The following BDH1 variants were observed in gnomAD, a reference collection of about 807,000 sequenced individuals.
The protein encoded by BDH1 is 3-hydroxybutyrate dehydrogenase 1.
In BDH1, 30 loss-of-function variants were observed where a neutral mutation model predicts 33.1. The ratio of observed to expected loss-of-function variants is 0.91; its 90% CI spans 0.68 to 1.23. The LOEUF (loss-of-function observed/expected upper bound fraction) is 1.23. Ranked by LOEUF, BDH1 falls within the 50% of genes most tolerant of loss-of-function variation. BDH1 has a pLI of 0.00. For missense variants in BDH1, 443 were observed against 464.4 expected, an observed-to-expected ratio of 0.95 and a Z score of 0.42; for synonymous variants, 190 against 183.6, an observed-to-expected ratio of 1.03 and a Z score of -0.28.
Position 197,514,492 on chromosome 3 carries a change from C to A in BDH1, c.410-76G>T. ...CATTGCCCATCAGCCTGCAGGCCAG[C>A]CTCCTCTCTGCTTCTTTCCTGTGAC... On this transcript the variant is annotated intron_variant, in intron 6 of 7. Coordinates refer to ENST00000392379, the MANE Select transcript of BDH1 (RefSeq NM_203314.3). This position sits in a 1 kb window ranked among gnomAD's most constrained non-coding sequence, Gnocchi z 4.2. 6.9e-7 allele frequency: 1 copy of A among 1,449,616 alleles called. No individual in the cohort carries two copies. The highest frequency in any genetic ancestry group is 9.2e-7 in the Non-Finnish European group (1 of 1,081,790). 89.8% of individuals were successfully genotyped at this position (1,449,616 alleles called of 1,614,324 possible).
intron 6 of BDH1, among the ~76,000 whole-genome samples, chr3:197,519,190 A>G (rs1434115410): frequency 1.3e-5 from 2 of 151,778 alleles, no homozygotes; most frequent in African/African-American, 4.8e-5. Context: ...ACTCCTCCAC[A>G]TATGTTCTGC....
rs1714761562 is a variant in BDH1 at position 197,532,498 on chromosome 3, T to C, written c.181A>G (p.Thr61Ala). ...AACCCAAATCCAGAGTCACAGCCTGTGACCAGGACAGCTTTGCTGCCAACC... is the reference window on the plus strand; with the variant it reads ...AACCCAAATCCAGAGTCACAGCCTGCGACCAGGACAGCTTTGCTGCCAACC... Reference protein sequence around the residue: ...EPVGSKAVLVTGCDSGFGFSL... With the variant: ...EPVGSKAVLVAGCDSGFGFSL... The change falls in exon 5 of 8, where the codon ACA becomes GCA. Residue 61 changes from threonine (T) to alanine (A), a missense_variant. Thr to Ala is a moderately conservative substitution (Grantham distance 58). Coordinates refer to ENST00000392379, the MANE Select transcript of BDH1 (RefSeq NM_203314.3). The C allele has an allele frequency of 2.5e-6, 4 of 1,614,184 alleles. No individual in the cohort carries two copies. The highest frequency in any genetic ancestry group is 3.4e-6 in the Non-Finnish European group (4 of 1,179,990).
intron 1 of BDH1, among the ~76,000 whole-genome samples, chr3:197,562,673 G>A (rs1304714895): frequency 1.3e-5 from 2 of 152,062 alleles, no homozygotes; most frequent in Non-Finnish European, 2.9e-5. Context: ...ACTCAGTGAT[G>A]ACACACTGTG....
At chr3:197,531,810 G>A (rs908196806) in intron 5 of BDH1, among the ~76,000 whole-genome samples, 1 of 152,180 alleles carries the variant, frequency 6.6e-6, no homozygotes, top group Non-Finnish European at 1.5e-5. Context: ...TGCTTTTGCA[G>A]TCTCGGGTCC....
chr3:197,550,929 T>G (rs760749746), intron 2 of BDH1, among the ~76,000 whole-genome samples: 1 of 152,218 alleles, frequency 6.6e-6, no homozygotes, highest in Non-Finnish European at 1.5e-5. Flanking sequence ...TATTTTTAAC[T>G]TTTTATTTTT....
At chr3:197,543,764 G>A (rs1348476068) in intron 3 of BDH1, among the ~76,000 whole-genome samples, 2 of 152,176 alleles carry the variant, frequency 1.3e-5, no homozygotes, top group Admixed American at 1.3e-4. Context: ...GGATGATAGT[G>A]GGGAAACCAT....
Position 197,554,479 on chromosome 3 carries a change from G to C in BDH1, c.-44+83C>G, listed in dbSNP as rs1191454943. 1 of 152,216 alleles carries C rather than the reference G, an allele frequency of 6.6e-6. No homozygotes were observed. The highest frequency in any genetic ancestry group is 1.5e-5 in the Non-Finnish European group (1 of 68,056). 9.4% of individuals were successfully genotyped at this position (152,216 alleles called of 1,614,324 possible). On this transcript the variant is annotated intron_variant, in intron 2 of 7. Coordinates refer to ENST00000392379, the MANE Select transcript of BDH1 (RefSeq NM_203314.3). This position sits in a 1 kb window ranked among gnomAD's most constrained non-coding sequence, Gnocchi z 4.4. ...TATGAAAGCTTCACAAATTTCAAGG[G>C]TCAGCTTCCTTGGCGGCCAGGGATA...
intron 2 of BDH1, among the ~76,000 whole-genome samples, chr3:197,551,645 ACAAAC>A (rs1327920134): frequency 6.6e-6 from 1 of 152,172 alleles, no homozygotes; most frequent in Non-Finnish European, 1.5e-5. Context: ...GGAGGAACCT[ACAAAC>A]TATTCTCTGT....
intron 6 of BDH1, among the ~76,000 whole-genome samples, chr3:197,518,642 C>T (rs1357766027): frequency 7.6e-5 from 1 of 13,140 alleles, no homozygotes; most frequent in East Asian, 6.8e-3. Context: ...GCCGACCCCC[C>T]CCATCAGTCA....
chr3:197,553,197 T>C (rs73085612), intron 2 of BDH1, among the ~76,000 whole-genome samples: 37,950 of 148,886 alleles, frequency 0.25, 5,126 homozygotes, highest in African/African-American at 0.33. Flanking sequence ...AGATTACAGG[T>C]GTGTGCCACC....
In BDH1 at chr3:197,522,100, C is replaced by T. The variant is rs1447720349; in HGVS notation, c.409+540G>A. On this transcript the variant is annotated intron_variant, in intron 6 of 7. Coordinates refer to ENST00000392379, the MANE Select transcript of BDH1 (RefSeq NM_203314.3). This position sits in a 1 kb window ranked among gnomAD's most constrained non-coding sequence, Gnocchi z 4.8. ...AACAGCCCCCGCTACCCTCCCCGTG[C>T]TCCTCGAAGCTGTGGTTCCTGCTCT... Among the ~76,000 whole-genome samples the T allele has an allele frequency of 6.6e-6, 1 of 152,202 alleles. No homozygotes were observed. The highest frequency in any genetic ancestry group is 1.5e-5 in the Non-Finnish European group (1 of 68,040).
intron 2 of BDH1, among the ~76,000 whole-genome samples, chr3:197,551,127 C>T (rs998202611): frequency 3.3e-5 from 5 of 152,108 alleles, no homozygotes; most frequent in African/African-American, 7.2e-5. Flanking sequence ...TGACTATAGT[C>T]GCTGTGTTAT....
At chr3:197,519,067 C>T (rs1485093615) in intron 6 of BDH1, among the ~76,000 whole-genome samples, 1 of 145,576 alleles carries the variant, frequency 6.9e-6, no homozygotes, top group Non-Finnish European at 1.5e-5. Context: ...CAGTCACTTC[C>T]TGCTCTATGG....
chr3:197,545,355 C>T lies in BDH1; in HGVS notation c.83+1006G>A, dbSNP rs117425716. ...GATGCGGTGAAGGTTTGGGACATCT[C>T]GGCTAACTGATTTCATGCATAAAGT... On this transcript the variant is annotated intron_variant, in intron 3 of 7. Coordinates refer to ENST00000392379, the MANE Select transcript of BDH1 (RefSeq NM_203314.3). 1.6e-3 allele frequency among the ~76,000 whole-genome samples: 247 copies of T among 152,308 alleles called. 1 individual carries two copies. The East Asian group carries it at 0.017, about 10-fold the overall frequency.
At chr3:197,512,509 G>T in intron 7 of BDH1, 145 bp from the exon 8 acceptor site, 1 of 848,282 alleles carries the variant, frequency 1.2e-6, no homozygotes, top group Non-Finnish European at 1.8e-6. Flanking sequence ...GGCCAGCTCA[G>T]GCCCACGCAT....
intron 2 of BDH1, among the ~76,000 whole-genome samples, chr3:197,553,078 T>C (rs1206539918): frequency 2.0e-5 from 3 of 152,058 alleles, no homozygotes; most frequent in Non-Finnish European, 4.4e-5. Flanking sequence ...CCGCCATGCC[T>C]GGCTAATTTT....
chr3:197,550,082 G>A (rs943873047), intron 2 of BDH1, among the ~76,000 whole-genome samples: 8 of 151,710 alleles, frequency 5.3e-5, no homozygotes, highest in Admixed American at 3.9e-4. Flanking sequence ...TCATGCAAAC[G>A]GGAAACCTGA....
In BDH1 at chr3:197,546,454, G is replaced by A. The variant is rs1716087260; in HGVS notation, c.-11C>T. ...GCGGGTGGCCAGCATGGTAGCAACG[G>A]GTGTTAGAATGGCCCAGTTCCTCCC... is the stretch of plus-strand genomic sequence containing the variant. On this transcript the variant is annotated 5_prime_UTR_variant, in exon 3 of 8. Coordinates refer to ENST00000392379, the MANE Select transcript of BDH1 (RefSeq NM_203314.3). 6.2e-7 allele frequency: 1 copy of A among 1,613,806 alleles called. No individual in the cohort carries two copies. Among genetic ancestry groups the A allele is most frequent in the African/African-American group, 1.3e-5 (1 of 74,878 alleles).
At chr3:197,546,585 G>C (rs1350256783) in intron 2 of BDH1, 99 bp from the exon 3 acceptor site, 2 of 754,216 alleles carry the variant, frequency 2.7e-6, no homozygotes, top group Admixed American at 4.8e-5. Context: ...AAACTGGGCT[G>C]CATCTGTTCC....
Sources: gnomAD v4.1 joint callset for allele counts (sites outside exome capture counted in the v4.1 genomes callset) on GRCh38, gnomAD v4.1.1 for gene constraint, Gnocchi (gnomAD v3.1) non-coding constraint, MANE v1.5 for transcripts, NCBI Gene and HGNC (gene_info 2026-07-23, HGNC 2026-07-21) for gene names.